Variants in PDE8A observed in about 807,000 individuals in gnomAD.
PDE8A encodes the protein phosphodiesterase 8A, also known as high affinity cAMP-specific and IBMX-insensitive 3',5'-cyclic phosphodiesterase 8A.
In PDE8A, 59 loss-of-function variants were observed where a neutral mutation model predicts 105.0. The ratio of observed to expected loss-of-function variants is 0.56; its 90% CI spans 0.46 to 0.70. PDE8A has a LOEUF of 0.70. Ranked by LOEUF, PDE8A falls within the 30% of genes least tolerant of loss-of-function variation. PDE8A has a pLI of 0.00. For synonymous variants in PDE8A, 355 were observed against 371.9 expected, an observed-to-expected ratio of 0.95 and a Z score of 0.52; for missense variants, 1,014 against 1,045.9, an observed-to-expected ratio of 0.97 and a Z score of 0.42.
chr15:85,022,833 G>A lies in PDE8A; in HGVS notation c.186+40485G>A, dbSNP rs770470797. The stretch of plus-strand genomic sequence containing the variant: ...CTCCCTAAGTGCTGGGATTACAGGC[G>A]TGAGCCACCGGACCTAGCCAGATTT... On this transcript the variant is annotated intron_variant, in intron 1 of 21. Transcript: ENST00000394553. 2.6e-5 allele frequency among the ~76,000 whole-genome samples: 4 copies of A among 152,116 alleles called. 1 individual carries two copies. The highest frequency in any genetic ancestry group is 2.1e-4 in the South Asian group (1 of 4,816).
chr15:85,117,871 G>T, intron 17 of PDE8A, 32 bp downstream of exon 17: 1 of 1,537,296 alleles, frequency 6.5e-7, no homozygotes, highest in African/African-American at 1.4e-5. Flanking sequence ...ACATTTAATG[G>T]GCAGGAGCAG....
At chr15:85,122,291 C>G (rs1477379475) in intron 18 of PDE8A, among the ~76,000 whole-genome samples, 1 of 152,118 alleles carries the variant, frequency 6.6e-6, no homozygotes, top group East Asian at 1.9e-4. Context: ...TGCCACAGTG[C>G]TTGGTACATA....
chr15:85,110,088 G>A (rs992891515), intron 12 of PDE8A, among the ~76,000 whole-genome samples: 3 of 152,188 alleles, frequency 2.0e-5, no homozygotes, highest in Admixed American at 1.3e-4. Context: ...AGGATTCAAT[G>A]AGTGTGTATG....
intron 1 of PDE8A, among the ~76,000 whole-genome samples, chr15:85,060,673 A>G (rs2081129850): frequency 6.6e-6 from 1 of 152,220 alleles, no homozygotes. Flanking sequence ...GTACACTAAT[A>G]CTTTCAAATG....
At chr15:85,115,386 A>G in intron 14 of PDE8A, 53 bp from the exon 15 acceptor site, 1 of 1,228,396 alleles carries the variant, frequency 8.1e-7, no homozygotes, top group African/African-American at 1.5e-5. Context: ...AGTTTCCAGG[A>G]AGGAAAGAAT....
At chr15:84,999,897 C>T (rs914459103) in intron 1 of PDE8A, among the ~76,000 whole-genome samples, 16 of 152,206 alleles carry the variant, frequency 1.1e-4, no homozygotes, top group African/African-American at 3.6e-4. Flanking sequence ...AGATGATAAG[C>T]TCACAAGACC....
At chr15:85,046,239 G>C (rs1430825313) in intron 1 of PDE8A, among the ~76,000 whole-genome samples, 1 of 151,964 alleles carries the variant, frequency 6.6e-6, no homozygotes, top group Admixed American at 6.6e-5. Flanking sequence ...AGTAGAGACA[G>C]GGTTTTACTA....
intron 11 of PDE8A, among the ~76,000 whole-genome samples, chr15:85,106,820 G>A (rs866913685): frequency 5.3e-5 from 8 of 152,192 alleles, no homozygotes; most frequent in Non-Finnish European, 8.8e-5. Flanking sequence ...TCTCTGAGAC[G>A]CTGAAGGATT....
intron 17 of PDE8A, 73 bp downstream of exon 17, chr15:85,117,912 A>G: frequency 1.7e-6 from 2 of 1,188,804 alleles, no homozygotes; most frequent in Non-Finnish European, 1.3e-6. Flanking sequence ...TGCCTCCACT[A>G]AGATACATAG....
chr15:85,117,938 G>A (rs958517103), intron 17 of PDE8A, 99 bp downstream of exon 17: 16 of 973,942 alleles, frequency 1.6e-5, no homozygotes, highest in Non-Finnish European at 2.6e-5. Flanking sequence ...CTGCTCACGT[G>A]TGCAGCCTGG....
chr15:85,063,543 G>A (rs11073915), intron 1 of PDE8A: 69,073 of 151,962 alleles, frequency 0.45, 15,870 homozygotes, highest in Middle Eastern at 0.54. Context: ...CAAATCTTCT[G>A]GTGGTCCTGA....
At chr15:85,040,805 T>C (rs917469249) in intron 1 of PDE8A, among the ~76,000 whole-genome samples, 2 of 151,824 alleles carry the variant, frequency 1.3e-5, no homozygotes, top group Non-Finnish European at 2.9e-5. Context: ...GTGATCCGCC[T>C]GCCTTGGCCT....
In PDE8A at chr15:85,137,050, T is replaced by G. The variant is rs75460676; in HGVS notation, c.2383+387T>G. 7.7e-3 allele frequency among the ~76,000 whole-genome samples: 1,172 copies of G among 152,350 alleles called. 18 individuals carry two copies. Among genetic ancestry groups the G allele is most frequent in the African/African-American group, 0.027 (1,105 of 41,572 alleles). On this transcript the variant is annotated intron_variant, in intron 21 of 21. Transcript: ENST00000394553. Reference sequence around the variant, plus strand: ...CCAGAAGGACTGGTCTGTCTCTGACTGATGCATGTCACCCTCCTTTAACTT... The same window carrying G: ...CCAGAAGGACTGGTCTGTCTCTGACGGATGCATGTCACCCTCCTTTAACTT...
intron 1 of PDE8A, among the ~76,000 whole-genome samples, chr15:85,016,412 A>C (rs2080325858): frequency 6.6e-6 from 1 of 152,070 alleles, no homozygotes; most frequent in Non-Finnish European, 1.5e-5. Context: ...CTATGGAATT[A>C]TTCCCAGCAC....
chr15:85,038,610 A>G (rs1287208742), intron 1 of PDE8A, among the ~76,000 whole-genome samples: 2 of 152,218 alleles, frequency 1.3e-5, no homozygotes, highest in Admixed American at 6.5e-5. Context: ...TAAGGGGCCA[A>G]TATCCAAAAT....
chr15:85,065,417 G>C (rs980879206), intron 2 of PDE8A, among the ~76,000 whole-genome samples: 5 of 150,378 alleles, frequency 3.3e-5, no homozygotes. Context: ...CACCAGCATG[G>C]CACATGTATA....
intron 1 of PDE8A, among the ~76,000 whole-genome samples, chr15:85,006,141 A>G (rs909231119): frequency 6.6e-6 from 1 of 152,146 alleles, no homozygotes; most frequent in Non-Finnish European, 1.5e-5. Flanking sequence ...GAGGGATAGC[A>G]TTAGGAGACA....
chr15:85,076,237 G>T (rs951410732), intron 4 of PDE8A, among the ~76,000 whole-genome samples: 1 of 152,118 alleles, frequency 6.6e-6, no homozygotes, highest in African/African-American at 2.4e-5. Flanking sequence ...TATCTCTGAG[G>T]GGGGAATCTT....
rs566019760 is a variant in PDE8A, at chr15:85,063,975, A to G, written c.187-395A>G. ...AGATTTCATTGTCCATCAGGAAAAAAATGGAAATAGGCACAGAGGGAATCA... is the reference window on the plus strand; with the variant it reads ...AGATTTCATTGTCCATCAGGAAAAAGATGGAAATAGGCACAGAGGGAATCA... On this transcript the variant is annotated intron_variant, in intron 1 of 21. Transcript: ENST00000394553. 81 of 161,272 alleles carry G rather than the reference A, an allele frequency of 5.0e-4. 3 individuals are homozygous for G. The South Asian group carries it at 0.015, about 30-fold the overall frequency. 10.0% of individuals were successfully genotyped at this position (161,272 alleles called of 1,614,324 possible).
Sources: gnomAD v4.1 joint callset for allele counts (sites outside exome capture counted in the v4.1 genomes callset) on GRCh38, gnomAD v4.1.1 for gene constraint, MANE v1.5 for transcripts, NCBI Gene and HGNC (gene_info 2026-07-23, HGNC 2026-07-21) for gene names.